The following HNRNPA1L3 variants were observed in gnomAD, a reference collection of about 807,000 sequenced individuals.
The protein encoded by HNRNPA1L3 is heterogeneous nuclear ribonucleoprotein A1 like 3, also known as heterogeneous nuclear ribonucleoprotein A1-like 3.
chr16:51,645,963 C>CA, the HNRNPA1L3 span: 1 of 1,605,546 alleles, frequency 6.2e-7, no homozygotes, highest in Non-Finnish European at 8.5e-7. Context: ...ATGAGAGATC[C>CA]AAACACGAAG....
the HNRNPA1L3 span, chr16:51,646,488 G>A: frequency 6.3e-7 from 1 of 1,597,956 alleles, no homozygotes. Flanking sequence ...AACTTCAGTG[G>A]TCGTGGTGGC....
At chr16:51,646,409 G>C in the HNRNPA1L3 span, 8 of 1,558,164 alleles carry the variant, frequency 5.1e-6, no homozygotes, top group Non-Finnish European at 7.0e-6. Flanking sequence ...AGGTCGAAGT[G>C]GTTCTGGAAA....
the HNRNPA1L3 span, chr16:51,646,680 C>G: frequency 5.0e-6 from 8 of 1,598,292 alleles, no homozygotes; most frequent in Admixed American, 8.3e-5. Context: ...AGCTCTGGCC[C>G]CCATGGCGGT....
chr16:51,646,189 T>C, the HNRNPA1L3 span: 9 of 1,592,526 alleles, frequency 5.7e-6, no homozygotes, highest in East Asian at 4.5e-5. Context: ...TAAGAGATTA[T>C]TTTGAACAGT....
chr16:51,646,657 T>C, the HNRNPA1L3 span: 8 of 1,598,148 alleles, frequency 5.0e-6, no homozygotes, highest in Non-Finnish European at 6.8e-6. Flanking sequence ...AGGGAGGAAA[T>C]TTTGAAGGCA....
At chr16:51,645,918 T>G in the HNRNPA1L3 span, 1 of 1,607,284 alleles carries the variant, frequency 6.2e-7, no homozygotes, top group South Asian at 1.1e-5. Flanking sequence ...AGGAGCCATT[T>G]TGAGCAATGG....
chr16:51,646,193 G>A, the HNRNPA1L3 span: 2 of 1,593,210 alleles, frequency 1.3e-6, no homozygotes, highest in African/African-American at 1.3e-5. Context: ...AGATTATTTT[G>A]AACAGTATGG....
the HNRNPA1L3 span, chr16:51,645,774 G>A: frequency 1.5e-5 from 24 of 1,607,480 alleles, no homozygotes; most frequent in Admixed American, 5.0e-5. Context: ...GCCCTTGGAC[G>A]CCGCCGAAGA....
chr16:51,646,305 T>C, the HNRNPA1L3 span: 1 of 1,588,996 alleles, frequency 6.3e-7, no homozygotes. Context: ...GATAAGATTG[T>C]CATTCAGAAA....
At chr16:51,646,471 T>C in the HNRNPA1L3 span, 2 of 1,597,374 alleles carry the variant, frequency 1.3e-6, no homozygotes, top group South Asian at 1.1e-5. Context: ...ACTTCGGTCG[T>C]GGAGGAAACT....
the HNRNPA1L3 span, chr16:51,646,583 G>A: frequency 6.3e-7 from 1 of 1,580,268 alleles, no homozygotes; most frequent in Non-Finnish European, 8.6e-7. Flanking sequence ...CAATTTTGGA[G>A]GTGGTGGAAG....
the HNRNPA1L3 span, chr16:51,645,846 C>T: frequency 6.2e-7 from 1 of 1,604,452 alleles, no homozygotes; most frequent in South Asian, 1.1e-5. Context: ...CCTAAAGAGC[C>T]CGAACAGCTG....
At chr16:51,647,069 G>A in the HNRNPA1L3 span, 1 of 411,530 alleles carries the variant, frequency 2.4e-6, no homozygotes, top group Non-Finnish European at 4.4e-6. Flanking sequence ...GCTGTTGATT[G>A]CTAAATGTAA....
chr16:51,646,234 C>A, the HNRNPA1L3 span: 1 of 1,596,656 alleles, frequency 6.3e-7, no homozygotes, highest in Non-Finnish European at 8.5e-7. Flanking sequence ...TCATGACTGA[C>A]AGAGGCAGTG....
chr16:51,646,029 C>G, the HNRNPA1L3 span: 2 of 1,585,512 alleles, frequency 1.3e-6, no homozygotes, highest in South Asian at 1.1e-5. Flanking sequence ...GTGGATGCAG[C>G]TATGAATGCA....
At chr16:51,646,536 G>A in the HNRNPA1L3 span, 1 of 1,597,488 alleles carries the variant, frequency 6.3e-7, no homozygotes, top group Non-Finnish European at 8.5e-7. Context: ...TATGGTGGCA[G>A]TGGGGATGGC....
At chr16:51,645,814 C>T in the HNRNPA1L3 span, 28 of 1,607,402 alleles carry the variant, frequency 1.7e-5, no homozygotes, top group East Asian at 2.2e-5. Flanking sequence ...TTCACCCTGC[C>T]GTCATGTCTA....
chr16:51,646,611 A>G, the HNRNPA1L3 span: 4 of 1,594,864 alleles, frequency 2.5e-6, no homozygotes, highest in African/African-American at 5.3e-5. Flanking sequence ...GATTTTGGCA[A>G]TTACAACAAT....
At chr16:51,646,128 T>A in the HNRNPA1L3 span, 7 of 1,595,654 alleles carry the variant, frequency 4.4e-6, no homozygotes, top group South Asian at 7.7e-5. Context: ...CACTTAACTG[T>A]GAAAAAGATA....
Sources: gnomAD v4.1 joint callset for allele counts on GRCh38, gnomAD v4.1.1 for gene constraint, MANE v1.5 for transcripts, NCBI Gene and HGNC (gene_info 2026-07-23, HGNC 2026-07-21) for gene names.